NBN: variants seen among roughly 807,000 people sequenced by gnomAD.
The protein encoded by NBN is nibrin, also known as Nijmegen breakage syndrome 1 (nibrin).
NBN carries 88 observed loss-of-function variants against 90.8 expected under a neutral mutation model. The ratio of observed to expected loss-of-function variants is 0.97; its 90% CI spans 0.82 to 1.16. The LOEUF is 1.16. Ranked by LOEUF, NBN falls within the 50% of genes most tolerant of loss-of-function variation. NBN has a pLI of 0.00. For synonymous variants in NBN, 328 were observed against 295.1 expected (o/e 1.11, Z -1.14); for missense variants, 894 against 869.6 (o/e 1.03, Z -0.35).
At chr8:89,959,203 C>G (rs1254167213) in intron 8 of NBN, among the ~76,000 whole-genome samples, 1 of 152,128 alleles carries the variant, frequency 6.6e-6, no homozygotes, top group African/African-American at 2.4e-5. Flanking sequence ...AGTGTATACA[C>G]CCTACCATCT....
In NBN at chr8:89,958,776, A is replaced by T; in HGVS notation, c.1073T>A (p.Val358Glu). The change falls in exon 9 of 16, where the codon GTG (valine) becomes GAG (glutamate). Residue 358 changes from valine (V) to glutamate (E), a missense_variant. Coordinates refer to ENST00000265433, the MANE Select transcript of NBN (RefSeq NM_002485.5). ...VDEKLMPSAP[V>E]NTTTYVADTE... The stretch of plus-strand genomic sequence containing the variant: ...GTCAGCTACGTATGTTGTAGTGTTC[A>T]CTGGGGCGCTTGGCATTAGTTTTTC... The T allele has an allele frequency of 6.2e-7, 1 of 1,614,080 alleles. No homozygotes were observed. Among genetic ancestry groups the T allele is most frequent in the Non-Finnish European group, 8.5e-7 (1 of 1,179,970 alleles).
In NBN at chr8:89,964,449, T is replaced by C. The variant is rs876659969; in HGVS notation, c.955A>G (p.Thr319Ala). 1 of 1,613,794 alleles carries C rather than the reference T, an allele frequency of 6.2e-7. No homozygotes were observed. The highest frequency in any genetic ancestry group is 8.5e-7 in the Non-Finnish European group (1 of 1,179,750). ...CCCTGAGGATCACAGTAATTCTTTGTAGTCATGAAAATCACCGCCAATCCA... is the reference window on the plus strand; with the variant it reads ...CCCTGAGGATCACAGTAATTCTTTGCAGTCATGAAAATCACCGCCAATCCA... Reference protein sequence around the residue: ...EIGLAVIFMTTKNYCDPQGHP... With the variant: ...EIGLAVIFMTAKNYCDPQGHP... Residue 319 changes from threonine to alanine, a missense_variant, in exon 8 of 16, where the codon ACA becomes GCA. Physicochemically the swap from Thr to Ala is moderately conservative, Grantham distance 58 (BLOSUM62 0). Coordinates refer to ENST00000265433, the MANE Select transcript of NBN (RefSeq NM_002485.5).
intron 14 of NBN, 44 bp downstream of exon 14, chr8:89,943,209 A>ATTT (rs1253587157): frequency 1.2e-6 from 2 of 1,609,758 alleles, no homozygotes; most frequent in African/African-American, 2.7e-5. Context: ...ATAATGGACC[A>ATTT]AAGTGCAATT....
intron 14 of NBN, among the ~76,000 whole-genome samples, chr8:89,938,770 A>G (rs1809804112): frequency 6.6e-6 from 1 of 152,198 alleles, no homozygotes. Context: ...ACAAAATTAC[A>G]TCTTATCTTT....
chr8:89,984,420 C>A, intron 1 of NBN, 105 bp downstream of exon 1: 1 of 1,078,112 alleles, frequency 9.3e-7, no homozygotes. Flanking sequence ...GCTTCCGCAG[C>A]GTCCCCGGGC....
chr8:89,982,046 A>G, intron 2 of NBN: 1 of 762,196 alleles, frequency 1.3e-6, no homozygotes, highest in South Asian at 1.6e-5. Flanking sequence ...GAAGAAATTC[A>G]TATCGCATAT....
Position 89,984,619 on chromosome 8 carries a change from C to T in NBN, c.-58G>A, listed in dbSNP as rs1812249779. On this transcript the variant is annotated 5_prime_UTR_variant, in exon 1 of 16. Coordinates refer to ENST00000265433, the MANE Select transcript of NBN (RefSeq NM_002485.5). ...CAACCGCGTAACCGGGGCTGCTAGA[C>T]GAGCGCGGATACGGCGCCTGCGGTC... The T allele has an allele frequency of 5.0e-6, 8 of 1,603,064 alleles. No individual in the cohort carries two copies.
At position 89,964,484 on chromosome 8, in the gene NBN, T is replaced by C; in HGVS notation, c.920A>G (p.Glu307Gly). The change falls in exon 8 of 16, where the codon GAA becomes GGA. Residue 307 changes from glutamate (E) to glycine (G), a missense_variant. By Grantham distance (98) the Glu-to-Gly change is moderately conservative. Coordinates refer to ENST00000265433, the MANE Select transcript of NBN (RefSeq NM_002485.5). ...LQRQGLRPIPEAEIGLAVIFM... is the reference protein window; with the variant it reads ...LQRQGLRPIPGAEIGLAVIFM... Reference sequence around the variant, plus strand: ...AATCACCGCCAATCCAATTTCTGCTTCAGGAATAGGTCTAAGACCTTGCCT... The same window carrying C: ...AATCACCGCCAATCCAATTTCTGCTCCAGGAATAGGTCTAAGACCTTGCCT... The C allele has an allele frequency of 6.2e-7, 1 of 1,605,012 alleles. No homozygotes were observed. The highest frequency in any genetic ancestry group is 8.5e-7 in the Non-Finnish European group (1 of 1,171,850).
At chr8:89,957,555 C>A (rs1247820281) in intron 9 of NBN, among the ~76,000 whole-genome samples, 2 of 152,120 alleles carry the variant, frequency 1.3e-5, no homozygotes, top group Non-Finnish European at 2.9e-5. Flanking sequence ...ACAGTAATGT[C>A]CTAGGCTTTC....
intron 11 of NBN, among the ~76,000 whole-genome samples, chr8:89,952,325 T>C (rs570555877): frequency 1.4e-4 from 21 of 152,302 alleles, no homozygotes; most frequent in Admixed American, 1.4e-3. Context: ...CCTGGGAATC[T>C]ATATTTTAGA....
At chr8:89,967,155 G>A (rs1811293303) in intron 7 of NBN, among the ~76,000 whole-genome samples, 1 of 152,160 alleles carries the variant, frequency 6.6e-6, no homozygotes, top group African/African-American at 2.4e-5. Flanking sequence ...TGTGTACTCT[G>A]CTTTACTACC....
rs940606910 is a variant in NBN at position 89,959,307 on chromosome 8, C to T, written c.995-453G>A. Reference sequence around the variant, plus strand: ...CATCTTAGACATAAACTTCTGGCTACTCCAGAAAACCATAATGATTACCTC... The same window carrying T: ...CATCTTAGACATAAACTTCTGGCTATTCCAGAAAACCATAATGATTACCTC... On this transcript the variant is annotated intron_variant, in intron 8 of 15. Coordinates refer to ENST00000265433, the MANE Select transcript of NBN (RefSeq NM_002485.5). 6.6e-5 allele frequency among the ~76,000 whole-genome samples: 10 copies of T among 152,316 alleles called. No individual in the cohort carries two copies. The East Asian group carries it at 1.5e-3, about 23-fold the overall frequency.
chr8:89,964,033 C>T (rs1811123199), intron 8 of NBN, among the ~76,000 whole-genome samples: 1 of 152,170 alleles, frequency 6.6e-6, no homozygotes, highest in Non-Finnish European at 1.5e-5. Context: ...AATGTCACCT[C>T]CTGAGACTTT....
intron 12 of NBN, chr8:89,946,699 G>T: frequency 5.6e-6 from 1 of 179,594 alleles, no homozygotes; most frequent in Non-Finnish European, 1.2e-5. Flanking sequence ...CTGTTCTACA[G>T]GTCCTCATCT....
chr8:89,940,130 G>A (rs1458744227), intron 14 of NBN, among the ~76,000 whole-genome samples: 1 of 152,036 alleles, frequency 6.6e-6, no homozygotes. Flanking sequence ...CTGTCACCAA[G>A]GCTGAAGTGC....
chr8:89,934,583 A>G lies in NBN; in HGVS notation c.*999T>C. The G allele has an allele frequency of 4.3e-6, 1 of 233,224 alleles. No individual in the cohort carries two copies. The highest frequency in any genetic ancestry group is 8.5e-6 in the Non-Finnish European group (1 of 118,040). The allele number at this position is 233,224 out of a possible 1,614,324, so 14.4% of individuals were successfully genotyped here. A position where few individuals can be genotyped will look rare whatever the true frequency, so the allele number is the denominator to read the frequency against. On this transcript the variant is annotated 3_prime_UTR_variant, in exon 16 of 16. Transcript: ENST00000265433. ...TTCTGTTGCTTCTGTTTACAAGGGA[A>G]GTCATGGAAATATGGCCTCCATTCC...
chr8:89,976,925 T>G (rs1481938968), intron 5 of NBN, among the ~76,000 whole-genome samples: 1 of 152,228 alleles, frequency 6.6e-6, no homozygotes, highest in Non-Finnish European at 1.5e-5. Flanking sequence ...TTTTTATTAC[T>G]TTTAAAAGCA....
At chr8:89,981,144 A>C (rs1057346605) in intron 3 of NBN, among the ~76,000 whole-genome samples, 1 of 152,166 alleles carries the variant, frequency 6.6e-6, no homozygotes, top group Non-Finnish European at 1.5e-5. Flanking sequence ...TACCTTCACC[A>C]ATGAGGAATC....
At chr8:89,969,336 C>T (rs1380394060) in intron 7 of NBN, among the ~76,000 whole-genome samples, 2 of 152,322 alleles carry the variant, frequency 1.3e-5, no homozygotes, top group East Asian at 3.9e-4. Flanking sequence ...TCTGCTTTCC[C>T]ATAATAGCCT....
Sources: gnomAD v4.1 joint callset for allele counts (sites outside exome capture counted in the v4.1 genomes callset) on GRCh38, gnomAD v4.1.1 for gene constraint, MANE v1.5 for transcripts, NCBI Gene and HGNC (gene_info 2026-07-23, HGNC 2026-07-21) for gene names.